RMDN1: variants seen among roughly 807,000 people sequenced by gnomAD.
RMDN1 encodes the protein regulator of microtubule dynamics 1, also known as regulator of microtubule dynamics protein 1.
Under a neutral mutation model 48.9 loss-of-function variants are expected in RMDN1, and 48 were observed. That is an observed-to-expected ratio of 0.98 (90% CI 0.78 to 1.25). RMDN1 has a LOEUF of 1.25. Ranked by LOEUF, RMDN1 falls within the 50% of genes most tolerant of loss-of-function variation. RMDN1 has a pLI of 0.00. For missense variants in RMDN1, 418 were observed against 373.4 expected (o/e 1.12, Z -0.98); for synonymous variants, 148 against 132.6 (o/e 1.12, Z -0.80).
intron 5 of RMDN1, chr8:86,482,660 AG>A: frequency 1.2e-6 from 1 of 811,894 alleles, no homozygotes; most frequent in East Asian, 2.4e-5. Context: ...CATTGAGCGC[AG>A]TCGGAAAAAG....
chr8:86,493,741 C>T (rs1333317642), intron 2 of RMDN1, among the ~76,000 whole-genome samples: 2 of 152,164 alleles, frequency 1.3e-5, no homozygotes, highest in Non-Finnish European at 2.9e-5. Flanking sequence ...GTTCAGTGCA[C>T]ACAAACTTTG....
chr8:86,505,137 G>A, intron 2 of RMDN1: 1 of 1,287,166 alleles, frequency 7.8e-7, no homozygotes, highest in Non-Finnish European at 1.0e-6. Flanking sequence ...ACCTCATCAG[G>A]ATGAACCCAG....
At chr8:86,503,910 T>C (rs1400276548) in intron 2 of RMDN1, 7 of 714,162 alleles carry the variant, frequency 9.8e-6, no homozygotes, top group Admixed American at 7.3e-5. Context: ...TGGGATTGTG[T>C]AAAGCAGCTG....
At chr8:86,470,381 G>T (rs1334380176), downstream of RMDN1, 6 of 1,287,602 alleles carry the variant, frequency 4.7e-6, no homozygotes, top group South Asian at 7.4e-5. Context: ...AAACGTCACG[G>T]ACCAATGTGA....
Position 86,474,108 on chromosome 8 carries a change from A to T in RMDN1, c.*200T>A, listed in dbSNP as rs1812959132. 6 of 1,299,988 alleles carry T rather than the reference A, an allele frequency of 4.6e-6. No individual in the cohort carries two copies. In the South Asian group the frequency reaches 1.1e-4, roughly 24 times the overall value. The allele number at this position is 1,299,988 out of a possible 1,614,324, so 80.5% of individuals were successfully genotyped here. A position where few individuals can be genotyped will look rare whatever the true frequency, so the allele number is the denominator to read the frequency against. On this transcript the variant is annotated 3_prime_UTR_variant, in exon 10 of 10. Coordinates refer to ENST00000406452, the MANE Select transcript of RMDN1 (RefSeq NM_016033.3). ...TAATCTCTTTGCCTGAGCCATGGAG[A>T]TTTATTTCTACCACTCTTATGGCGA... is the stretch of plus-strand genomic sequence containing the variant.
intron 2 of RMDN1, among the ~76,000 whole-genome samples, chr8:86,506,051 A>C (rs1819288530): frequency 6.6e-6 from 1 of 152,132 alleles, no homozygotes; most frequent in African/African-American, 2.4e-5. Flanking sequence ...AGGGAAGGGA[A>C]AGTTATTTCT....
At chr8:86,491,934 C>G (rs1816569803) in intron 2 of RMDN1, among the ~76,000 whole-genome samples, 2 of 152,274 alleles carry the variant, frequency 1.3e-5, no homozygotes, top group South Asian at 2.1e-4. Flanking sequence ...AGTAGAAAAT[C>G]TGAATATCTA....
chr8:86,478,699 T>C (rs1813816877), intron 7 of RMDN1: 1 of 504,648 alleles, frequency 2.0e-6, no homozygotes, highest in Admixed American at 3.8e-5. Context: ...CCATTTTAGA[T>C]GACAGTATTC....
chr8:86,502,262 G>A (rs1002260401), intron 2 of RMDN1, among the ~76,000 whole-genome samples: 1 of 151,870 alleles, frequency 6.6e-6, no homozygotes, highest in African/African-American at 2.4e-5. Context: ...TTTGAGACAA[G>A]GTCTTGCTCC....
intron 2 of RMDN1, among the ~76,000 whole-genome samples, chr8:86,495,632 C>T (rs892998013): frequency 6.6e-6 from 1 of 152,108 alleles, no homozygotes; most frequent in Admixed American, 6.5e-5. Flanking sequence ...TGGCCGCACC[C>T]GTAGGCAGCA....
downstream of RMDN1, chr8:86,470,358 AC>A (rs1379185010): frequency 3.1e-6 from 4 of 1,289,034 alleles, no homozygotes; most frequent in South Asian, 4.9e-5. Flanking sequence ...AATGGGTCTC[AC>A]CCTTAGTGGG....
Position 86,479,894 on chromosome 8 carries a change from A to T in RMDN1, c.641+383T>A, listed in dbSNP as rs139200633. ...ATCACATAAAAATAGAAAGATACTG[A>T]AAATCAGATTATATGGTTCCTCAGA... On this transcript the variant is annotated intron_variant, in intron 6 of 9. Coordinates refer to ENST00000406452, the MANE Select transcript of RMDN1 (RefSeq NM_016033.3). Among the ~76,000 whole-genome samples, 468 of 152,242 alleles carry T rather than the reference A, an allele frequency of 3.1e-3. 2 individuals are homozygous for T. The highest frequency in any genetic ancestry group is 0.011 in the African/African-American group (447 of 41,578).
At chr8:86,490,088 A>G (rs1341108406) in intron 2 of RMDN1, among the ~76,000 whole-genome samples, 1 of 152,062 alleles carries the variant, frequency 6.6e-6, no homozygotes, top group Non-Finnish European at 1.5e-5. Flanking sequence ...TAATTTTTCA[A>G]ATTTTGCTTC....
intron 8 of RMDN1, 134 bp from the exon 9 acceptor site, chr8:86,475,087 G>C: frequency 1.6e-6 from 1 of 636,580 alleles, no homozygotes; most frequent in Non-Finnish European, 2.6e-6. Context: ...ATTCTCTTTT[G>C]TTCAACTGTT....
chr8:86,495,889 T>C (rs559745982), intron 2 of RMDN1, among the ~76,000 whole-genome samples: 222 of 152,252 alleles, frequency 1.5e-3, no homozygotes, highest in African/African-American at 5.0e-3. Context: ...GAAAAACTCT[T>C]AAAGACAGCT....
rs1371766774 is a variant in RMDN1, at chr8:86,486,491, G to C, written c.488C>G (p.Ser163Cys). ...CTTAGTTAAGCAACTCACCTTATGA[G>C]ATGCAAAACTTGATTCATTTTTTTC... ...ALEKNESSFA[S>C]HKWYAICLSD... is the part of the protein sequence containing the mutation. Residue 163 changes from serine to cysteine, a missense_variant, in exon 4 of 10, where the codon TCT becomes TGT. By Grantham distance (112) the Ser-to-Cys change is moderately radical (BLOSUM62 -1). Coordinates refer to ENST00000406452, the MANE Select transcript of RMDN1 (RefSeq NM_016033.3). 1.3e-6 allele frequency: 2 copies of C among 1,597,164 alleles called. No individual in the cohort carries two copies. The highest frequency in any genetic ancestry group is 2.7e-5 in the African/African-American group (2 of 74,796).
At chr8:86,510,989 T>TTTTTTG (rs1016349618), upstream of RMDN1, among the ~76,000 whole-genome samples, 3 of 83,714 alleles carry the variant, frequency 3.6e-5, no homozygotes, top group Non-Finnish European at 7.9e-5. Context: ...TTGTTGTTTG[T>TTTTTTG]TTTTTGTTTT....
intron 5 of RMDN1, chr8:86,483,100 C>A: frequency 2.5e-6 from 1 of 398,070 alleles, no homozygotes; most frequent in Non-Finnish European, 4.5e-6. Flanking sequence ...TCCTTCCTGC[C>A]ACTGGTCTTT....
At chr8:86,488,698 CAAT>C in intron 2 of RMDN1, 59 bp from the exon 3 acceptor site, 2 of 1,151,736 alleles carry the variant, frequency 1.7e-6, no homozygotes, top group Non-Finnish European at 2.5e-6. Context: ...AGTCAGATGA[CAAT>C]AATTCAAAGA....
Sources: gnomAD v4.1 joint callset for allele counts (sites outside exome capture counted in the v4.1 genomes callset) on GRCh38, gnomAD v4.1.1 for gene constraint, MANE v1.5 for transcripts, NCBI Gene and HGNC (gene_info 2026-07-23, HGNC 2026-07-21) for gene names.